MINDY2: variants seen among roughly 807,000 people sequenced by gnomAD.
MINDY2 encodes ubiquitin carboxyl-terminal hydrolase MINDY-2.
MINDY2 carries 52 observed loss-of-function variants against 68.2 expected under a neutral mutation model. The observed-to-expected ratio is 0.76, with a 90% CI of 0.61 to 0.96. MINDY2 has a LOEUF of 0.96. MINDY2 is among the 40% of genes least tolerant of loss of function. MINDY2 has a pLI of 0.00. For synonymous variants in MINDY2, 372 were observed against 303.0 expected (o/e 1.23, Z -2.36); for missense variants, 881 against 773.4 (o/e 1.14, Z -1.65).
rs1486281102 is a variant in MINDY2 at position 58,858,485 on chromosome 15, C to G, written c.*3875C>G. 5 of 152,058 alleles carry G rather than the reference C, an allele frequency of 3.3e-5. No homozygotes were observed. 9.4% of individuals were successfully genotyped at this position (152,058 alleles called of 1,614,324 possible). A position where few individuals can be genotyped will look rare whatever the true frequency, so the allele number is the denominator to read the frequency against. On this transcript the variant is annotated 3_prime_UTR_variant, in exon 9 of 9. Transcript: ENST00000559228. ...AAAGTCAATTCACTAAGAGACAGAT[C>G]ATGAGAGGAAAGAGAACTAGAGGCC...
At chr15:58,806,321 G>A (rs1271731480) in intron 3 of MINDY2, among the ~76,000 whole-genome samples, 2 of 149,904 alleles carry the variant, frequency 1.3e-5, no homozygotes, top group African/African-American at 4.9e-5. Flanking sequence ...TGATCCACCT[G>A]TCTGGCATTA....
At chr15:58,837,584 T>A (rs2032056944) in intron 6 of MINDY2, among the ~76,000 whole-genome samples, 1 of 151,932 alleles carries the variant, frequency 6.6e-6, no homozygotes, top group Admixed American at 6.6e-5. Context: ...ACTATGGCTA[T>A]TTTTAAATCT....
At chr15:58,852,092 G>T in intron 8 of MINDY2, 127 bp downstream of exon 8, 1 of 626,934 alleles carries the variant, frequency 1.6e-6, no homozygotes, top group Non-Finnish European at 2.6e-6. Context: ...TTCGAGACCA[G>T]CCTGGCCAAC....
intron 2 of MINDY2, among the ~76,000 whole-genome samples, chr15:58,795,777 T>C (rs199583124): frequency 6.7e-6 from 1 of 150,174 alleles, no homozygotes; most frequent in Admixed American, 6.7e-5. Flanking sequence ...TTTTTTTTTC[T>C]TTTTTTTGGC....
chr15:58,794,118 G>C (rs901114557), intron 2 of MINDY2, among the ~76,000 whole-genome samples: 2 of 151,862 alleles, frequency 1.3e-5, no homozygotes, highest in African/African-American at 4.8e-5. Flanking sequence ...TGTGCGGTGG[G>C]GGAGGAGGGG....
chr15:58,773,113 C>T (rs1403333451), intron 1 of MINDY2, among the ~76,000 whole-genome samples: 1 of 147,102 alleles, frequency 6.8e-6, no homozygotes, highest in Non-Finnish European at 1.5e-5. Flanking sequence ...ATAATTATAT[C>T]TGTAGATGCA....
chr15:58,809,860 A>C, intron 3 of MINDY2, among the ~76,000 whole-genome samples: 1 of 152,214 alleles, frequency 6.6e-6, no homozygotes, highest in South Asian at 2.1e-4. Flanking sequence ...GCTCACTGCA[A>C]CCTACACCTA....
At chr15:58,791,320 G>A (rs1901896521) in intron 2 of MINDY2, among the ~76,000 whole-genome samples, 1 of 146,758 alleles carries the variant, frequency 6.8e-6, no homozygotes, top group East Asian at 1.9e-4. Flanking sequence ...TGATAGAAAT[G>A]TTCTGTATCT....
At chr15:58,787,551 C>T (rs1384589939) in intron 1 of MINDY2, among the ~76,000 whole-genome samples, 3 of 151,788 alleles carry the variant, frequency 2.0e-5, no homozygotes, top group African/African-American at 7.3e-5. Context: ...TCCTGGCTAA[C>T]AGGTAGAACC....
rs762443632 is a variant in MINDY2, at chr15:58,831,776, T to G, written c.1228T>G (p.Phe410Val). 17 of 1,611,612 alleles carry G rather than the reference T, an allele frequency of 1.1e-5. No homozygotes were observed. In the Admixed American group the frequency reaches 2.0e-4, roughly 19 times the overall value. Residue 410 changes from phenylalanine (F) to valine (V), a missense_variant and splice_region_variant, in exon 6 of 9, where the codon TTT (phenylalanine) becomes GTT (valine). By Grantham distance (50) the Phe-to-Val change is conservative (BLOSUM62 -1). Coordinates refer to ENST00000559228, the MANE Select transcript of MINDY2 (RefSeq NM_001040450.3). ...AATGTTATGCATTGGTTCTATAGGCTTTGTAGCTGAGCAGTTTCTAAATAA... is the reference window on the plus strand; with the variant it reads ...AATGTTATGCATTGGTTCTATAGGCGTTGTAGCTGAGCAGTTTCTAAATAA... ...SDNSELVSEGFVAEQFLNNTA... is the reference protein window; with the variant it reads ...SDNSELVSEGVVAEQFLNNTA...
chr15:58,815,751 C>G (rs942274643), intron 4 of MINDY2: 28 of 152,012 alleles, frequency 1.8e-4, no homozygotes, highest in African/African-American at 6.3e-4. Flanking sequence ...GCGTGATCTC[C>G]TCACTGCAAC....
chr15:58,771,894 C>T lies in MINDY2; in HGVS notation c.499C>T (p.Pro167Ser). 1.3e-6 allele frequency: 2 copies of T among 1,564,948 alleles called. No homozygotes were observed. The highest frequency in any genetic ancestry group is 1.9e-5 in the Admixed American group (1 of 51,738). The change falls in exon 1 of 9, where the codon CCT becomes TCT. Residue 167 changes from proline to serine, a missense_variant. Pro to Ser is a moderately conservative substitution (Grantham distance 74, BLOSUM62 -1). Transcript: ENST00000559228. ...CAGCAGTTGCAGCGACCCGAGCCCTCCTGGGGAATCTCCGAGCCTGGACTC... is the reference window on the plus strand; with the variant it reads ...CAGCAGTTGCAGCGACCCGAGCCCTTCTGGGGAATCTCCGAGCCTGGACTC... Reference protein sequence around the residue: ...LSSSCSDPSPPGESPSLDSLE... With the variant: ...LSSSCSDPSPSGESPSLDSLE...
At chr15:58,783,352 T>G (rs1320691310) in intron 1 of MINDY2, among the ~76,000 whole-genome samples, 1 of 152,250 alleles carries the variant, frequency 6.6e-6, no homozygotes, top group Non-Finnish European at 1.5e-5. Context: ...ATTGGTATTC[T>G]AATTGTTAAG....
chr15:58,854,350 T>G (rs1364462844), intron 8 of MINDY2, 132 bp from the exon 9 acceptor site: 17 of 909,508 alleles, frequency 1.9e-5, no homozygotes, highest in Non-Finnish European at 2.2e-5. Flanking sequence ...ATATAACAAA[T>G]CTGTATGCCA....
chr15:58,790,587 G>A (rs531251974), intron 2 of MINDY2, among the ~76,000 whole-genome samples: 9 of 56,890 alleles, frequency 1.6e-4, no homozygotes, highest in African/African-American at 8.8e-4. Context: ...ATAGACCTTA[G>A]TGGGGGGTAA....
In MINDY2 at chr15:58,794,772, A is replaced by G. The variant is rs541570311; in HGVS notation, c.898+6809A>G. Among the ~76,000 whole-genome samples the G allele has an allele frequency of 1.1e-4, 17 of 152,334 alleles. 1 individual carries two copies. In the East Asian group the frequency reaches 3.1e-3, roughly 28 times the overall value. On this transcript the variant is annotated intron_variant, in intron 2 of 8. Transcript: ENST00000559228. ...GCCAAATACTCAGATAATAAGGTGA[A>G]GGGAACATTCAGAGGAGTTGAATAC...
chr15:58,856,873 A>G lies in MINDY2; in HGVS notation c.*2263A>G, dbSNP rs1291019268. 1 of 152,232 alleles carries G rather than the reference A, an allele frequency of 6.6e-6. No homozygotes were observed. Among genetic ancestry groups the G allele is most frequent in the Non-Finnish European group, 1.5e-5 (1 of 68,038 alleles). 9.4% of individuals were successfully genotyped at this position (152,232 alleles called of 1,614,324 possible). A position where few individuals can be genotyped will look rare whatever the true frequency, so the allele number is the denominator to read the frequency against. The stretch of plus-strand genomic sequence containing the variant: ...TATCTGTTTATTGCCCATGGAAAAT[A>G]TATGTGTAGAAGTATTTCTTCTGTT... On this transcript the variant is annotated 3_prime_UTR_variant, in exon 9 of 9. Transcript: ENST00000559228.
chr15:58,815,496 C>G (rs1471479501), intron 4 of MINDY2: 1 of 152,054 alleles, frequency 6.6e-6, no homozygotes, highest in Non-Finnish European at 1.5e-5. Flanking sequence ...ACTACAGGTG[C>G]ACACCAGCAC....
intron 4 of MINDY2, among the ~76,000 whole-genome samples, chr15:58,813,025 G>C (rs1308416571): frequency 6.6e-6 from 1 of 151,968 alleles, no homozygotes; most frequent in Non-Finnish European, 1.5e-5. Flanking sequence ...CTATAATTTT[G>C]TTATTTTGAG....
Sources: gnomAD v4.1 joint callset for allele counts (sites outside exome capture counted in the v4.1 genomes callset) on GRCh38, gnomAD v4.1.1 for gene constraint, MANE v1.5 for transcripts, NCBI Gene and HGNC (gene_info 2026-07-23, HGNC 2026-07-21) for gene names.